The following SCHIP1 variants were observed in gnomAD, a reference collection of about 807,000 sequenced individuals.
SCHIP1 encodes schwannomin interacting protein 1, also known as schwannomin-interacting protein 1.
In SCHIP1, 8 loss-of-function variants were observed where a neutral mutation model predicts 29.7. That is an observed-to-expected ratio of 0.27 (90% CI 0.16 to 0.49). The LOEUF (loss-of-function observed/expected upper bound fraction) is 0.49, where lower values mean the gene tolerates loss of function less well. Ranked by LOEUF, SCHIP1 falls within the 20% of genes least tolerant of loss-of-function variation. The probability of loss-of-function intolerance (pLI) is 0.99; values close to 1 mark genes in which losing one functional copy is unlikely to be tolerated. For synonymous variants in SCHIP1, 76 were observed against 94.9 expected, an observed-to-expected ratio of 0.80 and a Z score of 1.16; for missense variants, 193 against 294.6, an observed-to-expected ratio of 0.66 and a Z score of 2.52.
At chr3:159,479,327 A>T in the SCHIP1 span, among the ~76,000 whole-genome samples, 1 of 152,066 alleles carries the variant, frequency 6.6e-6, no homozygotes, top group Non-Finnish European at 1.5e-5. Flanking sequence ...ACTAAAATAA[A>T]GTTCAAAAAA....
chr3:159,698,023 AC>A, the SCHIP1 span, among the ~76,000 whole-genome samples: 1 of 152,246 alleles, frequency 6.6e-6, no homozygotes, highest in Admixed American at 6.5e-5. Context: ...ATTTGGCACC[AC>A]ACACATCTGC....
the SCHIP1 span, among the ~76,000 whole-genome samples, chr3:159,654,855 A>C: frequency 3.0e-4 from 46 of 151,582 alleles, no homozygotes; most frequent in Admixed American, 1.3e-3. Flanking sequence ...GACAATCTGT[A>C]CACATTCAAA....
chr3:159,785,420 C>T, the SCHIP1 span, among the ~76,000 whole-genome samples: 7 of 152,070 alleles, frequency 4.6e-5, no homozygotes, highest in Admixed American at 2.6e-4. Context: ...GACATGTTAT[C>T]GGGAGATGGA....
chr3:159,533,063 TCA>T, the SCHIP1 span, among the ~76,000 whole-genome samples: 1 of 152,186 alleles, frequency 6.6e-6, no homozygotes, highest in Non-Finnish European at 1.5e-5. Context: ...TCTTATGGAG[TCA>T]CAGTCTACTG....
chr3:159,595,839 G>A, the SCHIP1 span, among the ~76,000 whole-genome samples: 1 of 152,068 alleles, frequency 6.6e-6, no homozygotes, highest in Non-Finnish European at 1.5e-5. Flanking sequence ...CAACACAACT[G>A]AGAATTCAGG....
the SCHIP1 span, among the ~76,000 whole-genome samples, chr3:159,672,967 C>T: frequency 7.2e-3 from 1,097 of 152,252 alleles, 11 homozygotes; most frequent in African/African-American, 0.026. Flanking sequence ...CCTATTCACA[C>T]CACAGGAATG....
chr3:159,293,587 T>C, the SCHIP1 span, among the ~76,000 whole-genome samples: 42 of 152,320 alleles, frequency 2.8e-4, no homozygotes, highest in Admixed American at 2.1e-3. Context: ...CAATGCCAAG[T>C]AGCAATCTGT....
chr3:159,359,434 C>CTGAG, the SCHIP1 span, among the ~76,000 whole-genome samples: 2 of 152,048 alleles, frequency 1.3e-5, no homozygotes, highest in African/African-American at 4.8e-5. Flanking sequence ...CTTTGGATTC[C>CTGAG]TGAGTCTTTA....
At chr3:159,450,547 C>A in the SCHIP1 span, among the ~76,000 whole-genome samples, 9 of 152,130 alleles carry the variant, frequency 5.9e-5, no homozygotes, top group African/African-American at 2.2e-4. Context: ...AAAGCATAAA[C>A]GTTGAATTTA....
At chr3:159,415,337 G>A in the SCHIP1 span, among the ~76,000 whole-genome samples, 5 of 152,084 alleles carry the variant, frequency 3.3e-5, no homozygotes, top group African/African-American at 1.2e-4. Context: ...ACATGAGAAG[G>A]TTCGTTATAT....
At chr3:159,481,922 G>T in the SCHIP1 span, among the ~76,000 whole-genome samples, 1 of 152,158 alleles carries the variant, frequency 6.6e-6, no homozygotes, top group Non-Finnish European at 1.5e-5. Context: ...TGAAATGGAG[G>T]TTGTGGGGTG....
the SCHIP1 span, among the ~76,000 whole-genome samples, chr3:159,550,691 T>A: frequency 6.6e-6 from 1 of 152,280 alleles, no homozygotes; most frequent in Non-Finnish European, 1.5e-5. Flanking sequence ...TCATAATTGA[T>A]TGGCATACTA....
At chr3:159,896,298 T>C (rs1718062276) in intron 6 of SCHIP1, among the ~76,000 whole-genome samples, 1 of 152,252 alleles carries the variant, frequency 6.6e-6, no homozygotes, top group Non-Finnish European at 1.5e-5. Context: ...TTCCATCTGT[T>C]ATTTCCTTAT....
At chr3:159,289,057 G>A in the SCHIP1 span, among the ~76,000 whole-genome samples, 4 of 152,034 alleles carry the variant, frequency 2.6e-5, no homozygotes, top group Non-Finnish European at 4.4e-5. Flanking sequence ...ACCAAGTCTT[G>A]TTGACTTTAT....
the SCHIP1 span, among the ~76,000 whole-genome samples, chr3:159,753,527 A>G: frequency 6.6e-6 from 1 of 152,156 alleles, no homozygotes; most frequent in South Asian, 2.1e-4. Context: ...TGTTGATTTG[A>G]CTTCCTAAAT....
At chr3:159,758,423 T>G in the SCHIP1 span, among the ~76,000 whole-genome samples, 29 of 152,314 alleles carry the variant, frequency 1.9e-4, 1 homozygote, top group African/African-American at 7.0e-4. Flanking sequence ...AGTGCTGGGA[T>G]TACAGGCGTG....
At chr3:159,337,179 T>C in the SCHIP1 span, among the ~76,000 whole-genome samples, 1 of 152,070 alleles carries the variant, frequency 6.6e-6, no homozygotes, top group Admixed American at 6.6e-5. Context: ...ATAAATTAGG[T>C]ATTGATGGGA....
chr3:159,351,992 T>G, the SCHIP1 span, among the ~76,000 whole-genome samples: 3 of 152,182 alleles, frequency 2.0e-5, no homozygotes, highest in Non-Finnish European at 4.4e-5. Flanking sequence ...TGTACTGGTA[T>G]ATTTATGCAT....
chr3:159,452,162 G>T, the SCHIP1 span, among the ~76,000 whole-genome samples: 4 of 149,886 alleles, frequency 2.7e-5, no homozygotes, highest in Non-Finnish European at 4.4e-5. Flanking sequence ...TTTAAGTTCT[G>T]GGATACATGT....
Sources: gnomAD v4.1 joint callset for allele counts (sites outside exome capture counted in the v4.1 genomes callset) on GRCh38, gnomAD v4.1.1 for gene constraint, MANE v1.5 for transcripts, NCBI Gene and HGNC (gene_info 2026-07-23, HGNC 2026-07-21) for gene names.